The following TRPM3 variants were observed in gnomAD, a reference collection of about 807,000 sequenced individuals.
TRPM3 encodes the protein long transient receptor potential channel 3.
Under a neutral mutation model 181.2 loss-of-function variants are expected in TRPM3, and 77 were observed. That is an observed-to-expected ratio of 0.42 (90% CI 0.35 to 0.51). TRPM3 has a LOEUF of 0.51. Among genes scored for constraint, TRPM3 ranks in the 20% least tolerant of loss-of-function variants. TRPM3 has a pLI of 0.01. For missense variants in TRPM3, 1,759 were observed against 2,196.7 expected, an observed-to-expected ratio of 0.80 and a Z score of 3.98; for synonymous variants, 745 against 796.4, an observed-to-expected ratio of 0.94 and a Z score of 1.09.
At chr9:71,420,527 GAGAA>G (rs948115693) in intron 1 of TRPM3, among the ~76,000 whole-genome samples, 209 of 139,818 alleles carry the variant, frequency 1.5e-3, no homozygotes, top group African/African-American at 4.8e-3. Context: ...AAAAGAGAAA[GAGAA>G]AGAAAGAAAG....
intron 3 of TRPM3, among the ~76,000 whole-genome samples, chr9:70,847,575 A>G (rs1353393244): frequency 6.6e-6 from 1 of 152,164 alleles, no homozygotes; most frequent in Non-Finnish European, 1.5e-5. Flanking sequence ...GGGGAATTGA[A>G]TGATTTTATG....
At chr9:71,414,341 T>C (rs2093606014) in intron 1 of TRPM3, among the ~76,000 whole-genome samples, 1 of 152,072 alleles carries the variant, frequency 6.6e-6, no homozygotes, top group African/African-American at 2.4e-5. Context: ...TAGGTTGTCA[T>C]AATTCGATGT....
intron 1 of TRPM3, among the ~76,000 whole-genome samples, chr9:71,315,042 T>TA (rs2088425529): frequency 6.6e-6 from 1 of 152,090 alleles, no homozygotes; most frequent in East Asian, 1.9e-4. Flanking sequence ...TCCTGGGTGA[T>TA]AACTAACTAA....
At chr9:70,603,261 G>C (rs1486733463) in intron 20 of TRPM3, 81 bp downstream of exon 20, 1 of 1,498,158 alleles carries the variant, frequency 6.7e-7, no homozygotes, top group Non-Finnish European at 9.1e-7. Context: ...TTGCATCCCA[G>C]GCATCTTCCT....
In TRPM3 at chr9:71,180,083, T is replaced by C. The variant is rs182152904; in HGVS notation, c.183+266570A>G. On this transcript the variant is annotated intron_variant, in intron 1 of 24. Coordinates refer to the TRPM3 transcript ENST00000357533. ...TTTTTTTTTTTTTTGAGACAGAGTT[T>C]CACTCTCATTACCTAGGCAGGAATG... 1.4e-3 allele frequency among the ~76,000 whole-genome samples: 167 copies of C among 123,346 alleles called. 2 individuals are homozygous for C. In the Admixed American group the frequency reaches 0.014, roughly 11 times the overall value. 80.9% of individuals were successfully genotyped at this position (123,346 alleles called of 152,430 possible).
chr9:70,542,720 G>A (rs2043786942), intron 25 of TRPM3, among the ~76,000 whole-genome samples: 1 of 152,214 alleles, frequency 6.6e-6, no homozygotes, highest in East Asian at 1.9e-4. Context: ...AGTATTGGCA[G>A]GCCATGCCTA....
intron 1 of TRPM3, among the ~76,000 whole-genome samples, chr9:71,390,130 AAGAT>A (rs1440912384): frequency 6.6e-6 from 1 of 152,048 alleles, no homozygotes; most frequent in Non-Finnish European, 1.5e-5. Context: ...AGAGATAGAT[AAGAT>A]AGATGGATAG....
intron 1 of TRPM3, among the ~76,000 whole-genome samples, chr9:71,033,039 CCTAT>C (rs1429404951): frequency 3.3e-5 from 5 of 152,176 alleles, no homozygotes; most frequent in Non-Finnish European, 7.3e-5. Context: ...TCTTTTGGCA[CCTAT>C]CTGATAGTTC....
chr9:70,998,146 TATATATATAC>T (rs769957104), intron 1 of TRPM3, among the ~76,000 whole-genome samples: 7,416 of 65,194 alleles, frequency 0.11, 258 homozygotes, highest in South Asian at 0.23. Context: ...TATATACACA[TATATATATAC>T]ATATATACAT....
intron 9 of TRPM3, among the ~76,000 whole-genome samples, chr9:70,653,106 G>T (rs912512258): frequency 2.6e-5 from 4 of 152,154 alleles, no homozygotes; most frequent in African/African-American, 7.2e-5. Flanking sequence ...TGATGGATGA[G>T]ATCCTAGAGA....
At chr9:71,096,003 T>C (rs2133973362) in intron 1 of TRPM3, among the ~76,000 whole-genome samples, 1 of 152,284 alleles carries the variant, frequency 6.6e-6, no homozygotes, top group Non-Finnish European at 1.5e-5. Context: ...TCTGTGGTTT[T>C]GTGGAGACCA....
chr9:70,776,879 G>C (rs543582329), intron 7 of TRPM3, among the ~76,000 whole-genome samples: 2 of 152,158 alleles, frequency 1.3e-5, no homozygotes, highest in Non-Finnish European at 2.9e-5. Context: ...ACTCTCAATG[G>C]AATCACCTGG....
chr9:71,325,315 G>A (rs1442174298), intron 1 of TRPM3, among the ~76,000 whole-genome samples: 1 of 152,146 alleles, frequency 6.6e-6, no homozygotes, highest in Non-Finnish European at 1.5e-5. Flanking sequence ...AATGTGATGA[G>A]CAAGGAAACG....
At chr9:71,002,161 C>T (rs1211277420) in intron 1 of TRPM3, among the ~76,000 whole-genome samples, 2 of 152,170 alleles carry the variant, frequency 1.3e-5, no homozygotes, top group Non-Finnish European at 2.9e-5. Flanking sequence ...TTTGTTTCTG[C>T]TCCTATGTCC....
intron 1 of TRPM3, among the ~76,000 whole-genome samples, chr9:71,186,742 G>C (rs1228397702): frequency 6.6e-6 from 1 of 152,036 alleles, no homozygotes; most frequent in Non-Finnish European, 1.5e-5. Context: ...GTTATACTTA[G>C]TTCCTGTAAA....
At chr9:70,807,898 T>G (rs1350836161) in intron 6 of TRPM3, among the ~76,000 whole-genome samples, 2 of 152,114 alleles carry the variant, frequency 1.3e-5, no homozygotes, top group African/African-American at 4.8e-5. Context: ...GAGAAGATTT[T>G]TAATCTGAGA....
intron 8 of TRPM3, among the ~76,000 whole-genome samples, chr9:70,700,075 C>T (rs553582895): frequency 6.6e-5 from 10 of 152,166 alleles, no homozygotes; most frequent in South Asian, 2.1e-4. Flanking sequence ...CTCCGCCTCC[C>T]GGGTTCAAGC....
At chr9:70,587,000 GA>G (rs1475285237) in intron 22 of TRPM3, among the ~76,000 whole-genome samples, 1 of 148,364 alleles carries the variant, frequency 6.7e-6, no homozygotes, top group Non-Finnish European at 1.5e-5. Context: ...AAGGAGCAAG[GA>G]TTTTTTTTTT....
chr9:71,015,701 T>C (rs1376733498), intron 1 of TRPM3, among the ~76,000 whole-genome samples: 1 of 152,158 alleles, frequency 6.6e-6, no homozygotes, highest in Non-Finnish European at 1.5e-5. Flanking sequence ...GAATTGATAA[T>C]CCAAAACGTT....
Sources: allele counts gnomAD v4.1 joint callset (sites outside exome capture counted in the v4.1 genomes callset), GRCh38; gene constraint gnomAD v4.1.1; transcripts MANE v1.5; gene names NCBI Gene and HGNC (gene_info 2026-07-23, HGNC 2026-07-21).